The following DDR2 variants were observed in gnomAD, a reference collection of about 807,000 sequenced individuals.
The protein encoded by DDR2 is discoidin domain-containing receptor 2.
DDR2 carries 27 observed loss-of-function variants against 94.9 expected under a neutral mutation model. That is an observed-to-expected ratio of 0.28 (90% CI 0.21 to 0.39). The LOEUF is 0.39. Ranked by LOEUF, DDR2 falls within the 10% of genes least tolerant of loss-of-function variation. The probability of loss-of-function intolerance (pLI) is 1.00; values close to 1 mark genes in which losing one functional copy is unlikely to be tolerated. For missense variants in DDR2, 783 were observed against 1,076.0 expected, an observed-to-expected ratio of 0.73 and a Z score of 3.81; for synonymous variants, 382 against 377.2, an observed-to-expected ratio of 1.01 and a Z score of -0.15.
intron 2 of DDR2, among the ~76,000 whole-genome samples, chr1:162,712,232 T>C (rs972989622): frequency 6.7e-6 from 1 of 148,660 alleles, no homozygotes; most frequent in African/African-American, 2.5e-5. Flanking sequence ...GGCTCATCCA[T>C]GAGCCACATA....
At chr1:162,763,336 C>CTTTTTTTTTTTTT (rs56323242) in intron 9 of DDR2, among the ~76,000 whole-genome samples, 2 of 56,500 alleles carry the variant, frequency 3.5e-5, no homozygotes, top group African/African-American at 1.5e-4. Context: ...CCACGCCCGG[C>CTTTTTTTTTTTTT]TTTTTTTTTT....
intron 4 of DDR2, among the ~76,000 whole-genome samples, chr1:162,753,769 A>G (rs1264845671): frequency 6.6e-6 from 1 of 152,180 alleles, no homozygotes. Flanking sequence ...TTGTACATCA[A>G]TAAACTCCCT....
At chr1:162,675,889 G>A (rs561616554) in intron 2 of DDR2, among the ~76,000 whole-genome samples, 144 of 152,152 alleles carry the variant, frequency 9.5e-4, no homozygotes, top group Non-Finnish European at 1.8e-3. Context: ...GTGTAGACAG[G>A]AAGGGTGTTC....
Position 162,699,184 on chromosome 1 carries a change from A to C in DDR2, c.-27-19853A>C, listed in dbSNP as rs181441275. 2.0e-3 allele frequency among the ~76,000 whole-genome samples: 298 copies of C among 152,362 alleles called. 2 individuals are homozygous for C. The highest frequency in any genetic ancestry group is 3.4e-3 in the Middle Eastern group (1 of 294). On this transcript the variant is annotated intron_variant, in intron 2 of 17. Transcript: ENST00000367921. ...CAAGGAGATTTTGAGAACAGATAAGAGACATTTGAATTTCTCAATGCCTTC... is the reference window on the plus strand; with the variant it reads ...CAAGGAGATTTTGAGAACAGATAAGCGACATTTGAATTTCTCAATGCCTTC...
intron 9 of DDR2, among the ~76,000 whole-genome samples, chr1:162,764,026 T>C (rs1321769681): frequency 6.6e-6 from 1 of 152,232 alleles, no homozygotes; most frequent in Admixed American, 6.5e-5. Context: ...TATATCCTAC[T>C]AAGAATGTGC....
chr1:162,763,467 G>A (rs1663850990), intron 9 of DDR2, among the ~76,000 whole-genome samples: 1 of 147,750 alleles, frequency 6.8e-6, no homozygotes, highest in African/African-American at 2.5e-5. Flanking sequence ...CCAAAGTGCT[G>A]GGATTACAGA....
chr1:162,691,704 C>T (rs944775253), intron 2 of DDR2, among the ~76,000 whole-genome samples: 6 of 152,140 alleles, frequency 3.9e-5, no homozygotes, highest in African/African-American at 1.2e-4. Flanking sequence ...TTCAAGCTAC[C>T]AACATGGTGT....
chr1:162,727,438 G>A (rs1184386294), intron 3 of DDR2, among the ~76,000 whole-genome samples: 10 of 142,496 alleles, frequency 7.0e-5, no homozygotes, highest in African/African-American at 2.3e-4. Flanking sequence ...ATGTATTTAT[G>A]TATATATAGA....
At chr1:162,666,584 A>AG (rs1322424872) in intron 2 of DDR2, among the ~76,000 whole-genome samples, 1 of 152,118 alleles carries the variant, frequency 6.6e-6, no homozygotes, top group East Asian at 1.9e-4. Context: ...TGTGGGGGAA[A>AG]GGGGGAGGGT....
intron 2 of DDR2, among the ~76,000 whole-genome samples, chr1:162,702,917 C>G (rs1016547462): frequency 1.3e-5 from 2 of 152,162 alleles, no homozygotes; most frequent in African/African-American, 2.4e-5. Flanking sequence ...TTTATACTCT[C>G]TCTCTCTCTC....
At chr1:162,702,168 C>T (rs1660461094) in intron 2 of DDR2, among the ~76,000 whole-genome samples, 1 of 152,242 alleles carries the variant, frequency 6.6e-6, no homozygotes, top group East Asian at 1.9e-4. Context: ...CCAGCTTCCT[C>T]CTCACGTGGC....
At chr1:162,733,652 G>A (rs1288505720) in intron 3 of DDR2, among the ~76,000 whole-genome samples, 1 of 152,150 alleles carries the variant, frequency 6.6e-6, no homozygotes, top group Non-Finnish European at 1.5e-5. Context: ...TGCAATACTT[G>A]TAGCCCTCTC....
chr1:162,709,563 G>A (rs1164143380), intron 2 of DDR2, among the ~76,000 whole-genome samples: 2 of 152,172 alleles, frequency 1.3e-5, no homozygotes, highest in African/African-American at 2.4e-5. Flanking sequence ...ATGATTTTGA[G>A]GGCTGGCATG....
intron 9 of DDR2, 38 bp downstream of exon 9, chr1:162,761,492 G>C: frequency 1.9e-6 from 3 of 1,614,012 alleles, no homozygotes; most frequent in Non-Finnish European, 2.5e-6. Flanking sequence ...GTGGGAGCAA[G>C]GTGATGAAGG....
Position 162,780,499 on chromosome 1 carries a change from C to A in DDR2, c.*253C>A, listed in dbSNP as rs2102212689. ...CAGATACAATCTAGTAAAAGAAAATCTTTGATATACCAAAGTGTTGGATAA... is the reference window on the plus strand; with the variant it reads ...CAGATACAATCTAGTAAAAGAAAATATTTGATATACCAAAGTGTTGGATAA... On this transcript the variant is annotated 3_prime_UTR_variant, in exon 18 of 18. Transcript: ENST00000367921. 2 of 455,922 alleles carry A rather than the reference C, an allele frequency of 4.4e-6. No individual in the cohort carries two copies. Among genetic ancestry groups the A allele is most frequent in the Non-Finnish European group, 7.7e-6 (2 of 258,098 alleles). 28.2% of individuals were successfully genotyped at this position (455,922 alleles called of 1,614,324 possible). A position where few individuals can be genotyped will look rare whatever the true frequency, so the allele number is the denominator to read the frequency against.
At chr1:162,656,356 G>A (rs1270641787) in intron 2 of DDR2, among the ~76,000 whole-genome samples, 5 of 152,174 alleles carry the variant, frequency 3.3e-5, no homozygotes, top group Admixed American at 2.6e-4. Flanking sequence ...TGGGATAAGG[G>A]TGGGGCTAAA....
At chr1:162,640,978 A>G (rs1290430566) in intron 1 of DDR2, among the ~76,000 whole-genome samples, 1 of 151,472 alleles carries the variant, frequency 6.6e-6, no homozygotes, top group Non-Finnish European at 1.5e-5. Flanking sequence ...CAGGTCTCAA[A>G]CTCCTGGGCT....
chr1:162,747,668 C>G (rs973480117), intron 3 of DDR2, among the ~76,000 whole-genome samples: 12 of 152,056 alleles, frequency 7.9e-5, no homozygotes. Flanking sequence ...AGATACTCCT[C>G]GAGAAGAGCA....
Position 162,724,681 on chromosome 1 carries a change from T to C in DDR2, c.82+5536T>C, listed in dbSNP as rs930281237. 2.0e-5 allele frequency among the ~76,000 whole-genome samples: 3 copies of C among 152,198 alleles called. No homozygotes were observed. The South Asian group carries it at 6.2e-4, about 31-fold the overall frequency. On this transcript the variant is annotated intron_variant, in intron 3 of 17. Coordinates refer to ENST00000367921, the MANE Select transcript of DDR2 (RefSeq NM_006182.4). ...TGCTGAGAAGGTTTATGTGGCCTCA[T>C]CTGTTAACGAGAAGGTGATGCTAGT...
Sources: gnomAD v4.1 joint callset for allele counts (sites outside exome capture counted in the v4.1 genomes callset) on GRCh38, gnomAD v4.1.1 for gene constraint, MANE v1.5 for transcripts, NCBI Gene and HGNC (gene_info 2026-07-23, HGNC 2026-07-21) for gene names.